Variants in TMPRSS11F observed in about 807,000 individuals in gnomAD.
TMPRSS11F encodes transmembrane protease serine 11F.
In TMPRSS11F, 47 loss-of-function variants were observed where a neutral mutation model predicts 60.2. That is an observed-to-expected ratio of 0.78 (90% CI 0.62 to 1.00). The LOEUF (loss-of-function observed/expected upper bound fraction) is 1.00, where lower values mean the gene tolerates loss of function less well. TMPRSS11F is among the 50% of genes least tolerant of loss of function. The pLI, the probability that TMPRSS11F is intolerant of heterozygous loss-of-function variation, is 0.00. For missense variants in TMPRSS11F, 519 were observed against 522.9 expected (o/e 0.99, Z 0.07); for synonymous variants, 166 against 167.3 (o/e 0.99, Z 0.06).
At chr4:68,100,962 G>A (rs1025100954) in intron 1 of TMPRSS11F, among the ~76,000 whole-genome samples, 3 of 152,100 alleles carry the variant, frequency 2.0e-5, no homozygotes, top group African/African-American at 7.2e-5. Flanking sequence ...TATTATGGCT[G>A]CTGTAATTAC....
intron 3 of TMPRSS11F, among the ~76,000 whole-genome samples, chr4:68,083,568 A>G (rs567184465): frequency 1.3e-4 from 20 of 152,180 alleles, no homozygotes; most frequent in Non-Finnish European, 2.8e-4. Flanking sequence ...AAAAACCAGT[A>G]CAGAACTTTG....
At chr4:68,092,239 T>A (rs1723958415) in intron 2 of TMPRSS11F, among the ~76,000 whole-genome samples, 1 of 152,126 alleles carries the variant, frequency 6.6e-6, no homozygotes, top group Admixed American at 6.5e-5. Context: ...TATCAGAAAA[T>A]CTGGAATGAC....
intron 3 of TMPRSS11F, chr4:68,077,248 T>C (rs1428199117): frequency 1.3e-5 from 2 of 152,252 alleles, no homozygotes; most frequent in African/African-American, 2.4e-5. Context: ...CCCCAAGTAT[T>C]GATATGAATT....
At chr4:68,095,200 A>G (rs1724047364) in intron 2 of TMPRSS11F, among the ~76,000 whole-genome samples, 1 of 151,496 alleles carries the variant, frequency 6.6e-6, no homozygotes, top group Admixed American at 6.6e-5. Flanking sequence ...CATAATATGT[A>G]TTATATATAA....
At chr4:68,073,704 C>T (rs1368898440) in intron 4 of TMPRSS11F, among the ~76,000 whole-genome samples, 1 of 152,160 alleles carries the variant, frequency 6.6e-6, no homozygotes, top group African/African-American at 2.4e-5. Context: ...CTGTGTCATT[C>T]CCCTGTTTCT....
chr4:68,091,976 C>G (rs900292996), intron 2 of TMPRSS11F, among the ~76,000 whole-genome samples: 8 of 151,754 alleles, frequency 5.3e-5, no homozygotes, highest in African/African-American at 1.9e-4. Context: ...TAGTAGAGAA[C>G]AGTTTCACCA....
At chr4:68,105,049 G>GTTTTTTTTTT (rs34041075) in intron 1 of TMPRSS11F, among the ~76,000 whole-genome samples, 1 of 55,192 alleles carries the variant, frequency 1.8e-5, no homozygotes, top group African/African-American at 7.7e-5. Context: ...TTCCCTCTAG[G>GTTTTTTTTTT]TTTTTTTTTT....
At chr4:68,126,933 C>G (rs1034903607) in intron 1 of TMPRSS11F, among the ~76,000 whole-genome samples, 2 of 152,114 alleles carry the variant, frequency 1.3e-5, no homozygotes, top group African/African-American at 4.8e-5. Context: ...TGTAGGCAGA[C>G]GAAACAACAA....
In TMPRSS11F at chr4:68,127,738, G is replaced by T. The variant is rs143640342; in HGVS notation, c.11+2072C>A. 6.9e-3 allele frequency among the ~76,000 whole-genome samples: 1,046 copies of T among 151,926 alleles called. 7 individuals are homozygous for T. The highest frequency in any genetic ancestry group is 0.011 in the Non-Finnish European group (771 of 67,948). On this transcript the variant is annotated intron_variant, in intron 1 of 9. Transcript: ENST00000356291. ...ATGTGTACTGTCTATATATGAATCT[G>T]AATCTGAATCATATATCCATAATAC...
intron 3 of TMPRSS11F, chr4:68,077,625 T>C (rs1290866320): frequency 2.0e-5 from 3 of 152,194 alleles, no homozygotes; most frequent in Non-Finnish European, 4.4e-5. Context: ...AGGATTCCTC[T>C]TTGAAGTATG....
intron 8 of TMPRSS11F, among the ~76,000 whole-genome samples, chr4:68,063,809 T>G (rs1267329806): frequency 6.6e-6 from 1 of 152,166 alleles, no homozygotes; most frequent in Admixed American, 6.5e-5. Flanking sequence ...AAGATACAGA[T>G]TTTATTGACT....
chr4:68,067,826 G>A (rs1479147278), intron 7 of TMPRSS11F, among the ~76,000 whole-genome samples: 1 of 152,206 alleles, frequency 6.6e-6, no homozygotes, highest in African/African-American at 2.4e-5. Context: ...GCAGGGTGCA[G>A]AAGTAGTGCC....
chr4:68,059,066 T>G (rs750477628), intron 9 of TMPRSS11F, among the ~76,000 whole-genome samples: 29 of 152,174 alleles, frequency 1.9e-4, no homozygotes, highest in Non-Finnish European at 2.1e-4. Flanking sequence ...ACTGGGAGGC[T>G]GGGGGATGAA....
At chr4:68,062,613 G>T (rs1577910380) in intron 8 of TMPRSS11F, 4 of 852,946 alleles carry the variant, frequency 4.7e-6, no homozygotes, top group South Asian at 1.3e-5. Context: ...TCAGTCCAGT[G>T]ATTGAGTTCT....
chr4:68,053,670 T>TCCCTTGTGAGTAAGGAA lies in TMPRSS11F; in HGVS notation c.*222_*238dup, dbSNP rs1722984921. The TCCCTTGTGAGTAAGGAA allele has an allele frequency of 5.3e-6, 2 of 379,242 alleles. No homozygotes were observed. Among genetic ancestry groups the TCCCTTGTGAGTAAGGAA allele is most frequent in the African/African-American group, 4.1e-5 (2 of 48,514 alleles). 23.5% of individuals were successfully genotyped at this position (379,242 alleles called of 1,614,324 possible). ...TTATTAGGAAGTATCACAAGCAGTT[T>TCCCTTGTGAGTAAGGAA]CCCTTGTGAGTAAGGAATAGGTGCT... On this transcript the variant is annotated 3_prime_UTR_variant, in exon 10 of 10. Transcript: ENST00000356291.
intron 7 of TMPRSS11F, among the ~76,000 whole-genome samples, chr4:68,065,777 A>AAC (rs771999841): frequency 2.0e-5 from 3 of 151,732 alleles, no homozygotes; most frequent in Non-Finnish European, 4.4e-5. Flanking sequence ...TAAAAAAAAA[A>AAC]AACCTGAAAG....
chr4:68,082,833 C>T (rs1723734847), intron 3 of TMPRSS11F, among the ~76,000 whole-genome samples: 1 of 152,232 alleles, frequency 6.6e-6, no homozygotes, highest in Non-Finnish European at 1.5e-5. Context: ...GTGCCTCCCT[C>T]TACAGGGATA....
At chr4:68,117,607 A>G (rs1724553670) in intron 1 of TMPRSS11F, among the ~76,000 whole-genome samples, 1 of 152,190 alleles carries the variant, frequency 6.6e-6, no homozygotes, top group African/African-American at 2.4e-5. Flanking sequence ...AGTCAAAACA[A>G]CAATGAGATA....
intron 1 of TMPRSS11F, among the ~76,000 whole-genome samples, chr4:68,126,598 G>A (rs1460833495): frequency 1.3e-5 from 2 of 152,104 alleles, no homozygotes; most frequent in Admixed American, 6.6e-5. Context: ...TCTTTTCTCA[G>A]TATCTGTTCT....
Sources: gnomAD v4.1 joint callset for allele counts (sites outside exome capture counted in the v4.1 genomes callset) on GRCh38, gnomAD v4.1.1 for gene constraint, MANE v1.5 for transcripts, NCBI Gene and HGNC (gene_info 2026-07-23, HGNC 2026-07-21) for gene names.